Variants in WNT7B observed in about 807,000 individuals in gnomAD.
WNT7B encodes the protein Wnt family member 7B, also known as protein Wnt-7b.
A neutral mutation model predicts 38.2 loss-of-function variants in WNT7B; 19 were observed. The observed-to-expected ratio is 0.50, with a 90% confidence interval of 0.35 to 0.73. The LOEUF (loss-of-function observed/expected upper bound fraction) is 0.73, where lower values mean the gene tolerates loss of function less well. Among genes scored for constraint, WNT7B ranks in the 30% least tolerant of loss-of-function variants. The pLI is 0.01. For missense variants in WNT7B, 423 were observed against 507.9 expected, an observed-to-expected ratio of 0.83 and a Z score of 1.61; for synonymous variants, 243 against 209.3, an observed-to-expected ratio of 1.16 and a Z score of -1.39.
chr22:45,932,516 C>A (rs940286502), intron 2 of WNT7B, among the ~76,000 whole-genome samples: 1 of 152,018 alleles, frequency 6.6e-6, no homozygotes, highest in African/African-American at 2.4e-5. Context: ...CCAGCGGGGA[C>A]TTCCATATGG....
chr22:45,948,440 AC>A (rs1235173141), intron 2 of WNT7B, among the ~76,000 whole-genome samples: 1 of 151,930 alleles, frequency 6.6e-6, no homozygotes, highest in Non-Finnish European at 1.5e-5. Flanking sequence ...CCCCTGCGCC[AC>A]CCCCAGCCCC....
intron 2 of WNT7B, among the ~76,000 whole-genome samples, chr22:45,939,638 C>CAT (rs1240121617): frequency 6.8e-6 from 1 of 146,026 alleles, no homozygotes; most frequent in Non-Finnish European, 1.5e-5. Flanking sequence ...TACAAACACA[C>CAT]ACACACACAC....
chr22:45,968,297 C>T (rs1344948135), intron 1 of WNT7B, among the ~76,000 whole-genome samples: 1 of 152,158 alleles, frequency 6.6e-6, no homozygotes, highest in African/African-American at 2.4e-5. Context: ...CTCTGTGCTG[C>T]CTGTGGCCAA....
chr22:45,935,016 A>G (rs759235881), intron 2 of WNT7B, among the ~76,000 whole-genome samples: 2 of 152,082 alleles, frequency 1.3e-5, no homozygotes, highest in Non-Finnish European at 2.9e-5. Context: ...CATGTTACAG[A>G]CCTAGACGCC....
Position 45,951,182 on chromosome 22 carries a change from A to G in WNT7B, c.72-1036T>C, listed in dbSNP as rs1931924687. Among the ~76,000 whole-genome samples the G allele has an allele frequency of 6.6e-6, 1 of 152,134 alleles. No homozygotes were observed. The highest frequency in any genetic ancestry group is 2.1e-4 in the South Asian group (1 of 4,830). On this transcript the variant is annotated intron_variant, in intron 1 of 3. Coordinates refer to ENST00000339464, the MANE Select transcript of WNT7B (RefSeq NM_058238.3). The surrounding 1 kb of genome is among the most constrained non-coding windows in gnomAD (Gnocchi z 4.8). ...AACCTCCACATTCCGGGTTCAAGCC[A>G]TCCTTTTGCCTTAGCCTCCCGAGTA...
At position 45,920,741 on chromosome 22, in the gene WNT7B, G is replaced by GAGA. The variant is rs1930904558; in HGVS notation, c.*2114_*2115insTCT. On this transcript the variant is annotated 3_prime_UTR_variant, in exon 4 of 4. Coordinates refer to ENST00000339464, the MANE Select transcript of WNT7B (RefSeq NM_058238.3). ...TGGGATGAGGGATGAGATGAGGGAT[G>GAGA]GGATGGGATGGGGGATGAGGGATGG... The GAGA allele has an allele frequency of 9.2e-6, 1 of 108,462 alleles. No homozygotes were observed. The allele number at this position is 108,462 out of a possible 1,614,324, so 6.7% of individuals were successfully genotyped here.
chr22:45,955,086 C>T (rs1044784181), intron 1 of WNT7B, among the ~76,000 whole-genome samples: 1 of 152,258 alleles, frequency 6.6e-6, no homozygotes, highest in African/African-American at 2.4e-5. Context: ...TAAGTTCTTC[C>T]TTTGCTTAAA....
chr22:45,940,055 A>G (rs973648845), intron 2 of WNT7B, among the ~76,000 whole-genome samples: 2 of 152,170 alleles, frequency 1.3e-5, no homozygotes, highest in Non-Finnish European at 2.9e-5. Context: ...TGACAGCTAC[A>G]CAACTCTGGA....
intron 2 of WNT7B, among the ~76,000 whole-genome samples, chr22:45,937,347 T>C (rs893204548): frequency 1.3e-5 from 2 of 152,206 alleles, no homozygotes; most frequent in African/African-American, 4.8e-5. Flanking sequence ...GTCCAGACCC[T>C]GAAATTGGCC....
intron 3 of WNT7B, among the ~76,000 whole-genome samples, chr22:45,928,250 G>A (rs562625462): frequency 5.3e-5 from 8 of 152,296 alleles, no homozygotes; most frequent in Admixed American, 2.0e-4. Flanking sequence ...GATGGGGCTA[G>A]GGCCCCAGCA....
intron 2 of WNT7B, among the ~76,000 whole-genome samples, chr22:45,940,327 G>T (rs527934125): frequency 6.6e-6 from 1 of 152,202 alleles, no homozygotes; most frequent in South Asian, 2.1e-4. Context: ...ACCGAGCCGG[G>T]ATCTGACCAG....
intron 2 of WNT7B, among the ~76,000 whole-genome samples, chr22:45,933,439 C>T (rs375620739): frequency 2.3e-4 from 35 of 152,084 alleles, no homozygotes; most frequent in African/African-American, 8.0e-4. Context: ...TAAATTAGGT[C>T]AAGATGATGC....
chr22:45,933,892 G>A (rs180760846), intron 2 of WNT7B, among the ~76,000 whole-genome samples: 4 of 152,340 alleles, frequency 2.6e-5, no homozygotes, highest in Non-Finnish European at 5.9e-5. Context: ...CAAGCAGGTG[G>A]CACTTTCTGT....
chr22:45,925,261 A>G lies in WNT7B; in HGVS notation c.571-1926T>C, dbSNP rs1052295095. ...GGTGCTGTGTGGGCCCTAGGCTGGC[A>G]GGTGGGTGCCGGGTGGGCCCTAGGC... On this transcript the variant is annotated intron_variant, in intron 3 of 3. Transcript: ENST00000339464. 6.1e-6 allele frequency: 6 copies of G among 985,260 alleles called. 1 individual carries two copies. The Admixed American group carries it at 3.7e-4, about 61-fold the overall frequency. 61.0% of individuals were successfully genotyped at this position (985,260 alleles called of 1,614,324 possible).
rs536461902 is a variant in WNT7B, at chr22:45,951,007, G to C, written c.72-861C>G. 9.2e-5 allele frequency among the ~76,000 whole-genome samples: 14 copies of C among 152,342 alleles called. No individual in the cohort carries two copies. The highest frequency in any genetic ancestry group is 3.1e-4 in the African/African-American group (13 of 41,584). ...GCAACTCTCAGGACCTGAAGCCCTA[G>C]ACAAGAACCCGCAGGTCACGCTCAC... On this transcript the variant is annotated intron_variant, in intron 1 of 3. Coordinates refer to ENST00000339464, the MANE Select transcript of WNT7B (RefSeq NM_058238.3). The surrounding 1 kb of genome is among the most constrained non-coding windows in gnomAD (Gnocchi z 4.8).
chr22:45,955,020 C>T (rs972177701), intron 1 of WNT7B, among the ~76,000 whole-genome samples: 3 of 152,386 alleles, frequency 2.0e-5, no homozygotes, highest in South Asian at 2.1e-4. Context: ...GTGGGACACA[C>T]GCTGGAACAT....
In WNT7B at chr22:45,965,052, G is replaced by T. The variant is rs111798365; in HGVS notation, c.71+11632C>A. ...TCCCTGCCCTGGGCTCCCCAGACCC[G>T]AGATCACTGCCTCCGGCCCCGCCCC... On this transcript the variant is annotated intron_variant, in intron 1 of 3. Transcript: ENST00000339464. The surrounding 1 kb of genome is among the most constrained non-coding windows in gnomAD (Gnocchi z 6.5). 6.6e-6 allele frequency among the ~76,000 whole-genome samples: 1 copy of T among 151,978 alleles called. No homozygotes were observed. Among genetic ancestry groups the T allele is most frequent in the Non-Finnish European group, 1.5e-5 (1 of 67,980 alleles).
At position 45,966,764 on chromosome 22, in the gene WNT7B, C is replaced by T. The variant is rs929946290; in HGVS notation, c.71+9920G>A. Among the ~76,000 whole-genome samples, 3 of 152,222 alleles carry T rather than the reference C, an allele frequency of 2.0e-5. No homozygotes were observed. Among genetic ancestry groups the T allele is most frequent in the Non-Finnish European group, 4.4e-5 (3 of 68,026 alleles). On this transcript the variant is annotated intron_variant, in intron 1 of 3. Coordinates refer to ENST00000339464, the MANE Select transcript of WNT7B (RefSeq NM_058238.3). This position sits in a 1 kb window ranked among gnomAD's most constrained non-coding sequence, Gnocchi z 4.2. The stretch of plus-strand genomic sequence containing the variant: ...TCCAGCCTGGGGATGGAGGAAGTGT[C>T]GATGGCCCTGTGCCAAGCCTCACTT...
At chr22:45,933,334 G>A (rs759846238) in intron 2 of WNT7B, among the ~76,000 whole-genome samples, 5 of 152,204 alleles carry the variant, frequency 3.3e-5, no homozygotes, top group Non-Finnish European at 5.9e-5. Context: ...GCCTCATCCT[G>A]CCAGCCTCTC....
Sources: allele counts gnomAD v4.1 joint callset (sites outside exome capture counted in the v4.1 genomes callset), GRCh38; gene constraint gnomAD v4.1.1; non-coding constraint Gnocchi (gnomAD v3.1); transcripts MANE v1.5; gene names NCBI Gene and HGNC (gene_info 2026-07-23, HGNC 2026-07-21).